Variants in CSNK1A1 observed in about 807,000 individuals in gnomAD.
CSNK1A1 encodes casein kinase 1 alpha 1.
A neutral mutation model predicts 46.1 loss-of-function variants in CSNK1A1; 7 were observed. The observed-to-expected ratio is 0.15, with a 90% CI of 0.09 to 0.29. CSNK1A1 has a LOEUF of 0.29. CSNK1A1 is among the 10% of genes least tolerant of loss of function. The pLI, the probability that CSNK1A1 is intolerant of heterozygous loss-of-function variation, is 1.00. For missense variants in CSNK1A1, 96 were observed against 417.1 expected, an observed-to-expected ratio of 0.23 and a Z score of 6.71; for synonymous variants, 137 against 141.5, an observed-to-expected ratio of 0.97 and a Z score of 0.23.
chr5:149,524,036 T>A (rs1414785761), intron 3 of CSNK1A1, among the ~76,000 whole-genome samples: 1 of 152,202 alleles, frequency 6.6e-6, no homozygotes, highest in Non-Finnish European at 1.5e-5. Context: ...TGACATTTAC[T>A]TGAAAGAAGC....
At chr5:149,499,178 C>T (rs572832360) in intron 9 of CSNK1A1, 24 of 985,154 alleles carry the variant, frequency 2.4e-5, no homozygotes, top group Admixed American at 6.1e-5. Context: ...TTCCCCAATA[C>T]GCATTGGTCT....
rs569506563 is a variant in CSNK1A1 at position 149,530,794 on chromosome 5, C to T, written c.231-5623G>A. On this transcript the variant is annotated intron_variant, in intron 2 of 9. Transcript: ENST00000377843. Reference sequence around the variant, plus strand: ...CAGTCTGACCAATATGGTGAAACCCCGTCTCTACTAAAAATACAAAAATTA... The same window carrying T: ...CAGTCTGACCAATATGGTGAAACCCTGTCTCTACTAAAAATACAAAAATTA... Among the ~76,000 whole-genome samples the T allele has an allele frequency of 2.5e-3, 376 of 151,812 alleles. 1 individual carries two copies. The highest frequency in any genetic ancestry group is 3.8e-3 in the Admixed American group (58 of 15,244).
chr5:149,505,212 T>C (rs1373872611), intron 9 of CSNK1A1: 1 of 1,166,676 alleles, frequency 8.6e-7, no homozygotes, highest in African/African-American at 1.6e-5. Context: ...AGAGAAATGA[T>C]ATAAATATAC....
chr5:149,524,972 C>CT, intron 3 of CSNK1A1, 73 bp downstream of exon 3: 1 of 1,367,892 alleles, frequency 7.3e-7, no homozygotes, highest in Non-Finnish European at 9.8e-7. Flanking sequence ...TTTTAATACT[C>CT]TGATTTATGA....
chr5:149,542,600 A>T (rs868241316), intron 2 of CSNK1A1, among the ~76,000 whole-genome samples: 6 of 5,076 alleles, frequency 1.2e-3, no homozygotes, highest in African/African-American at 4.8e-3. Flanking sequence ...ATTTATATAT[A>T]TATATATATA....
Position 149,550,436 on chromosome 5 carries a change from G to C in CSNK1A1, c.124-255C>G. 1 of 1,050,056 alleles carries C rather than the reference G, an allele frequency of 9.5e-7. No individual in the cohort carries two copies. The highest frequency in any genetic ancestry group is 2.5e-5 in the South Asian group (1 of 39,412). The allele number at this position is 1,050,056 out of a possible 1,614,324, so 65.0% of individuals were successfully genotyped here. A position where few individuals can be genotyped will look rare whatever the true frequency, so the allele number is the denominator to read the frequency against. Reference sequence around the variant, plus strand: ...CAGAAAAAAGAGGCAACCTCTGAACGTAGTGAGAGGTTTTTAAGGAACTAG... The same window carrying C: ...CAGAAAAAAGAGGCAACCTCTGAACCTAGTGAGAGGTTTTTAAGGAACTAG... On this transcript the variant is annotated intron_variant, in intron 1 of 9. Coordinates refer to ENST00000377843, the MANE Select transcript of CSNK1A1 (RefSeq NM_001892.6). The surrounding 1 kb of genome is among the most constrained non-coding windows in gnomAD (Gnocchi z 4.3).
intron 2 of CSNK1A1, among the ~76,000 whole-genome samples, chr5:149,542,483 C>G (rs1415216407): frequency 7.4e-6 from 1 of 135,790 alleles, no homozygotes; most frequent in Non-Finnish European, 1.6e-5. Context: ...CTGTCTTCCA[C>G]GAAACCTGTC....
intron 4 of CSNK1A1, among the ~76,000 whole-genome samples, chr5:149,513,436 G>T (rs990730635): frequency 6.6e-6 from 1 of 151,702 alleles, no homozygotes; most frequent in Non-Finnish European, 1.5e-5. Flanking sequence ...TATCCTTGTC[G>T]TTTGCAGATT....
chr5:149,508,323 C>T lies in CSNK1A1; in HGVS notation c.751-1190G>A, dbSNP rs1032035183. On this transcript the variant is annotated intron_variant, in intron 7 of 9. Transcript: ENST00000377843. ...TATTATACATCTTTCTAAAACTCAA[C>T]ATTTATATACATTTATGGCCCGTGT... Among the ~76,000 whole-genome samples the T allele has an allele frequency of 3.2e-4, 49 of 151,962 alleles. 1 individual carries two copies. Among genetic ancestry groups the T allele is most frequent in the Non-Finnish European group, 1.0e-4 (7 of 67,988 alleles).
intron 5 of CSNK1A1, 28 bp downstream of exon 5, chr5:149,513,042 G>A: frequency 6.2e-7 from 1 of 1,612,876 alleles, no homozygotes; most frequent in Non-Finnish European, 8.5e-7. Flanking sequence ...CTATGGCTAT[G>A]ATAAGCACAT....
At chr5:149,497,402 C>T (rs754312096) in intron 9 of CSNK1A1, 33 of 985,698 alleles carry the variant, frequency 3.3e-5, no homozygotes, top group Non-Finnish European at 3.7e-5. Context: ...AACTTCTTTA[C>T]CGGCCGCATT....
intron 2 of CSNK1A1, among the ~76,000 whole-genome samples, chr5:149,536,196 G>A (rs1219174798): frequency 6.6e-6 from 1 of 152,018 alleles, no homozygotes; most frequent in Non-Finnish European, 1.5e-5. Context: ...CAGGTGATTC[G>A]CCCACCTCGG....
intron 2 of CSNK1A1, among the ~76,000 whole-genome samples, chr5:149,535,747 T>C (rs1762040780): frequency 6.6e-6 from 1 of 152,188 alleles, no homozygotes; most frequent in Non-Finnish European, 1.5e-5. Context: ...ATTCAAGCGA[T>C]TCTCCTGCCT....
chr5:149,512,869 A>G (rs1761273323), intron 5 of CSNK1A1, among the ~76,000 whole-genome samples: 1 of 152,178 alleles, frequency 6.6e-6, no homozygotes, highest in Non-Finnish European at 1.5e-5. Context: ...GACAACCTTC[A>G]ACAACAACAA....
At chr5:149,513,021 G>T (rs771629073) in intron 5 of CSNK1A1, 49 bp downstream of exon 5, 29 of 1,599,642 alleles carry the variant, frequency 1.8e-5, no homozygotes, top group Non-Finnish European at 2.5e-5. Context: ...AAAACCCATT[G>T]ATGGCTTCTG....
chr5:149,539,099 A>G (rs1179290639), intron 2 of CSNK1A1, among the ~76,000 whole-genome samples: 2 of 152,182 alleles, frequency 1.3e-5, no homozygotes, highest in Non-Finnish European at 2.9e-5. Flanking sequence ...AAACATGTGA[A>G]GAGGTAAATG....
chr5:149,502,375 C>A, intron 9 of CSNK1A1: 1 of 922,574 alleles, frequency 1.1e-6, no homozygotes, highest in African/African-American at 1.8e-5. Context: ...AGGGTCTCAT[C>A]TGTTGCCCAG....
At position 149,532,115 on chromosome 5, in the gene CSNK1A1, G is replaced by A. The variant is rs555154935; in HGVS notation, c.231-6944C>T. ...GCTGATTTTGAACTCCTGGCCTCAC[G>A]TGATCCGCCTGCCTTGGCCTCCTAA... On this transcript the variant is annotated intron_variant, in intron 2 of 9. Coordinates refer to ENST00000377843, the MANE Select transcript of CSNK1A1 (RefSeq NM_001892.6). Among the ~76,000 whole-genome samples the A allele has an allele frequency of 8.5e-5, 13 of 152,148 alleles. 1 individual carries two copies. Among genetic ancestry groups the A allele is most frequent in the African/African-American group, 2.4e-4 (10 of 41,500 alleles).
chr5:149,513,111 G>C lies in CSNK1A1; in HGVS notation c.555C>G (p.Ala185=). ...GATGTGCATTGATGCTAGCATATCG[G>C]GCAGTGCCAGTGAGGTTTTTATCTT... ...YREDKNLTGT[A]RYASINAHLG... The change falls in exon 5 of 10, where the codon GCC becomes GCG. Residue 185 remains alanine (A), a synonymous_variant. Coordinates refer to ENST00000377843, the MANE Select transcript of CSNK1A1 (RefSeq NM_001892.6). 2 of 1,614,028 alleles carry C rather than the reference G, an allele frequency of 1.2e-6. No homozygotes were observed. Among genetic ancestry groups the C allele is most frequent in the Non-Finnish European group, 1.7e-6 (2 of 1,179,982 alleles).
Sources: allele counts gnomAD v4.1 joint callset (sites outside exome capture counted in the v4.1 genomes callset), GRCh38; gene constraint gnomAD v4.1.1; non-coding constraint Gnocchi (gnomAD v3.1); transcripts MANE v1.5; gene names NCBI Gene and HGNC (gene_info 2026-07-23, HGNC 2026-07-21).